BRINP3: variants seen among roughly 807,000 people sequenced by gnomAD.
The protein encoded by BRINP3 is BMP/retinoic acid inducible neural specific 3.
Under a neutral mutation model 71.0 loss-of-function variants are expected in BRINP3, and 19 were observed. That is an observed-to-expected ratio of 0.27 (90% confidence interval 0.19 to 0.39). The LOEUF (loss-of-function observed/expected upper bound fraction) is 0.39. Among genes scored for constraint, BRINP3 ranks in the 10% least tolerant of loss-of-function variants. BRINP3 has a pLI of 1.00. For synonymous variants in BRINP3, 380 were observed against 337.7 expected (o/e 1.13, Z -1.37); for missense variants, 959 against 940.8 (o/e 1.02, Z -0.25).
At chr1:190,235,259 T>C (rs1658403639) in intron 4 of BRINP3, among the ~76,000 whole-genome samples, 1 of 152,138 alleles carries the variant, frequency 6.6e-6, no homozygotes, top group Non-Finnish European at 1.5e-5. Flanking sequence ...ATATGTGGAC[T>C]GATTTTTTCA....
chr1:190,223,824 C>T (rs1041068348), intron 6 of BRINP3, among the ~76,000 whole-genome samples: 2 of 151,542 alleles, frequency 1.3e-5, no homozygotes, highest in East Asian at 1.9e-4. Flanking sequence ...AGTAAAGTTG[C>T]GGGATACAAA....
intron 2 of BRINP3, among the ~76,000 whole-genome samples, chr1:190,320,211 C>T (rs1666146451): frequency 6.6e-6 from 1 of 152,058 alleles, no homozygotes; most frequent in South Asian, 2.1e-4. Context: ...ATACCCAAAA[C>T]ACTCCTAATA....
intron 6 of BRINP3, among the ~76,000 whole-genome samples, chr1:190,171,871 C>G (rs1051434986): frequency 6.6e-6 from 1 of 151,934 alleles, no homozygotes; most frequent in African/African-American, 2.4e-5. Context: ...CTTTGGGAGG[C>G]CAAGGCAGGA....
chr1:190,301,899 T>C (rs1435195426), intron 2 of BRINP3, among the ~76,000 whole-genome samples: 3 of 151,958 alleles, frequency 2.0e-5, no homozygotes, highest in Admixed American at 1.3e-4. Context: ...TCAGCAAATA[T>C]TTATAGATAC....
intron 6 of BRINP3, among the ~76,000 whole-genome samples, chr1:190,163,471 T>A (rs1351638323): frequency 6.6e-6 from 1 of 152,044 alleles, no homozygotes; most frequent in Non-Finnish European, 1.5e-5. Context: ...GTACTTTTCA[T>A]GGCATAATTT....
chr1:190,208,262 A>G (rs1321616722), intron 6 of BRINP3, among the ~76,000 whole-genome samples: 1 of 151,828 alleles, frequency 6.6e-6, no homozygotes, highest in Non-Finnish European at 1.5e-5. Context: ...CCGGCCCTGT[A>G]ATACATACTC....
At chr1:190,279,877 A>G (rs1243290589) in intron 3 of BRINP3, among the ~76,000 whole-genome samples, 1 of 151,874 alleles carries the variant, frequency 6.6e-6, no homozygotes, top group African/African-American at 2.4e-5. Context: ...AAATGTTTAC[A>G]TATATCTAGT....
chr1:190,436,569 G>A (rs557604369), intron 2 of BRINP3, among the ~76,000 whole-genome samples: 1 of 151,936 alleles, frequency 6.6e-6, no homozygotes, highest in Admixed American at 6.6e-5. Flanking sequence ...TAGCAAATAT[G>A]TGGGTCATAT....
chr1:190,190,096 T>C (rs1653900948), intron 6 of BRINP3, among the ~76,000 whole-genome samples: 1 of 152,156 alleles, frequency 6.6e-6, no homozygotes, highest in African/African-American at 2.4e-5. Flanking sequence ...TGATGAAGGC[T>C]GGAGACTGAA....
At chr1:190,170,885 C>T (rs764328226) in intron 6 of BRINP3, among the ~76,000 whole-genome samples, 7 of 152,072 alleles carry the variant, frequency 4.6e-5, no homozygotes, top group Non-Finnish European at 8.8e-5. Context: ...TTTATAGGCC[C>T]TTAACACTCT....
Position 190,226,109 on chromosome 1 carries a change from C to T in BRINP3, c.934G>A (p.Ala312Thr), listed in dbSNP as rs199613980. The T allele has an allele frequency of 2.2e-5, 35 of 1,604,146 alleles. No homozygotes were observed. The Admixed American group carries it at 3.4e-4, about 16-fold the overall frequency. Reference protein sequence around the residue: ...NLLRITETWKAYNSDFEESDE... With the variant: ...NLLRITETWKTYNSDFEESDE... Reference sequence around the variant, plus strand: ...GATTCCTCAAAGTCACTGTTGTAAGCTTTCCAGGTTTCAGTTATTCGAAGA... The same window carrying T: ...GATTCCTCAAAGTCACTGTTGTAAGTTTTCCAGGTTTCAGTTATTCGAAGA... The change falls in exon 6 of 8, where the codon GCT (alanine) becomes ACT (threonine). Residue 312 changes from alanine (A) to threonine (T), a missense_variant. Ala to Thr is a moderately conservative substitution (Grantham distance 58). Coordinates refer to ENST00000367462, the MANE Select transcript of BRINP3 (RefSeq NM_199051.3).
chr1:190,325,351 G>A (rs1356825604), intron 2 of BRINP3, among the ~76,000 whole-genome samples: 1 of 151,876 alleles, frequency 6.6e-6, no homozygotes, highest in African/African-American at 2.4e-5. Context: ...CTGGAATATC[G>A]CTGCCTATAC....
chr1:190,190,690 A>G (rs1353128686), intron 6 of BRINP3, among the ~76,000 whole-genome samples: 1 of 152,086 alleles, frequency 6.6e-6, no homozygotes, highest in Non-Finnish European at 1.5e-5. Flanking sequence ...ATTATAAGAC[A>G]TAGGGAAAAT....
intron 2 of BRINP3, among the ~76,000 whole-genome samples, chr1:190,400,778 G>C (rs1024079621): frequency 6.6e-6 from 1 of 152,142 alleles, no homozygotes; most frequent in Non-Finnish European, 1.5e-5. Flanking sequence ...AGTAAATACT[G>C]ACTAGTATAA....
intron 3 of BRINP3, among the ~76,000 whole-genome samples, chr1:190,273,383 G>T (rs929214083): frequency 1.3e-5 from 2 of 151,502 alleles, no homozygotes; most frequent in Non-Finnish European, 3.0e-5. Context: ...TTTTGAAAAT[G>T]ATTCAACATT....
At chr1:190,160,235 G>A (rs1262166529) in intron 7 of BRINP3, among the ~76,000 whole-genome samples, 1 of 151,944 alleles carries the variant, frequency 6.6e-6, no homozygotes, top group Non-Finnish European at 1.5e-5. Flanking sequence ...AATTAGGTTT[G>A]TGGTTTTCTA....
intron 2 of BRINP3, among the ~76,000 whole-genome samples, chr1:190,363,103 G>A (rs1354998127): frequency 6.6e-6 from 1 of 152,130 alleles, no homozygotes; most frequent in Non-Finnish European, 1.5e-5. Context: ...CTGCCTAAAG[G>A]AAGAATGACT....
intron 6 of BRINP3, among the ~76,000 whole-genome samples, chr1:190,186,734 G>C (rs1653561041): frequency 6.6e-6 from 1 of 151,972 alleles, no homozygotes. Context: ...AAATTCATGG[G>C]CAGAAACTCA....
At chr1:190,383,177 A>C (rs1217239900) in intron 2 of BRINP3, among the ~76,000 whole-genome samples, 1 of 152,140 alleles carries the variant, frequency 6.6e-6, no homozygotes, top group Non-Finnish European at 1.5e-5. Context: ...TAACAAAGTA[A>C]TGCCTCTTGT....
Sources: allele counts gnomAD v4.1 joint callset (sites outside exome capture counted in the v4.1 genomes callset), GRCh38; gene constraint gnomAD v4.1.1; transcripts MANE v1.5; gene names NCBI Gene and HGNC (gene_info 2026-07-23, HGNC 2026-07-21).